Variants in NOTCH1 observed in about 807,000 individuals in gnomAD.
NOTCH1 encodes the protein notch receptor 1.
Under a neutral mutation model 254.8 loss-of-function variants are expected in NOTCH1, and 37 were observed. The observed-to-expected ratio is 0.15, with a 90% CI of 0.11 to 0.19. NOTCH1 has a LOEUF of 0.19. Among genes scored for constraint, NOTCH1 ranks in the 10% least tolerant of loss-of-function variants. The probability of loss-of-function intolerance (pLI) is 1.00; values close to 1 mark genes in which losing one functional copy is unlikely to be tolerated. For missense variants in NOTCH1, 2,972 were observed against 3,708.6 expected (o/e 0.80, Z 5.16); for synonymous variants, 1,731 against 1,618.1 (o/e 1.07, Z -1.68).
rs771142030 is a variant in NOTCH1, at chr9:136,496,791, G to A, written c.6948C>T (p.Ser2316=). The change falls in exon 34 of 34, where the codon AGC becomes AGT. Residue 2316 remains serine (S), a synonymous_variant. Transcript: ENST00000651671. The stretch of plus-strand genomic sequence containing the variant: ...GGTTGTATTGGTTCGGCACCATGCC[G>A]CTCTGCAGCCGGGACAGCCACTCGC... ...GQCEWLSRLQ[S]GMVPNQYNPL... is the part of the protein sequence containing the mutation. 9 of 1,612,764 alleles carry A rather than the reference G, an allele frequency of 5.6e-6. No individual in the cohort carries two copies. The highest frequency in any genetic ancestry group is 2.2e-5 in the South Asian group (2 of 91,090).
chr9:136,499,804 G>GT, intron 31 of NOTCH1, among the ~76,000 whole-genome samples: 1 of 152,364 alleles, frequency 6.6e-6, no homozygotes, highest in Middle Eastern at 3.4e-3. Context: ...TTCCACATCT[G>GT]TGCAAAGAAG....
In NOTCH1 at chr9:136,508,146, G is replaced by T. The variant is rs761192850; in HGVS notation, c.3326-7C>A. The T allele has an allele frequency of 1.9e-6, 3 of 1,607,976 alleles. No individual in the cohort carries two copies. The highest frequency in any genetic ancestry group is 2.5e-6 in the Non-Finnish European group (3 of 1,179,678). On this transcript the variant is annotated splice_region_variant and splice_polypyrimidine_tract_variant and intron_variant, in intron 20 of 33. Transcript: ENST00000651671. ...AGGCGGGCAACGTCAACACCTGCGG[G>T]GGATGGGGTGGTAGACAGGTGAGGC...
At position 136,519,911 on chromosome 9, in the gene NOTCH1, C is replaced by T. The variant is rs116768458; in HGVS notation, c.743-346G>A. 7.9e-3 allele frequency among the ~76,000 whole-genome samples: 1,208 copies of T among 152,334 alleles called. 11 individuals are homozygous for T. The highest frequency in any genetic ancestry group is 0.026 in the African/African-American group (1,081 of 41,580). ...CCCTACAATGTCTCCACAGGGGGGC[C>T]GCACACCCCATCTTCAGGGGCTGAC... On this transcript the variant is annotated intron_variant, in intron 4 of 33. Coordinates refer to ENST00000651671, the MANE Select transcript of NOTCH1 (RefSeq NM_017617.5).
chr9:136,510,381 C>T, intron 17 of NOTCH1: 1 of 587,898 alleles, frequency 1.7e-6, no homozygotes, highest in East Asian at 2.8e-5. Context: ...GGAGTGCAGG[C>T]CGGGCCCGAG....
chr9:136,508,624 C>T (rs1843127521), intron 19 of NOTCH1, among the ~76,000 whole-genome samples: 1 of 152,342 alleles, frequency 6.6e-6, no homozygotes, highest in Non-Finnish European at 1.5e-5. Flanking sequence ...GAACACTTTT[C>T]CTCAATTCCC....
chr9:136,533,369 C>T (rs536036775), intron 2 of NOTCH1, among the ~76,000 whole-genome samples: 28 of 152,326 alleles, frequency 1.8e-4, no homozygotes, highest in African/African-American at 6.5e-4. Flanking sequence ...CAACCCCTGG[C>T]GGCTCCCCCA....
Position 136,497,261 on chromosome 9 carries a change from T to C in NOTCH1, c.6478A>G (p.Lys2160Glu), listed in dbSNP as rs1282189149. 1 of 1,611,506 alleles carries C rather than the reference T, an allele frequency of 6.2e-7. No individual in the cohort carries two copies. Among genetic ancestry groups the C allele is most frequent in the African/African-American group, 1.3e-5 (1 of 75,026 alleles). ...KPGVQGKKVR[K>E]PSSKGLACGS... ...CAGGCCAGGCCTTTGCTGCTGGGCT[T>C]GCGGACCTTCTTGCCCTGCACGCCG... is the stretch of plus-strand genomic sequence containing the variant. The change falls in exon 34 of 34, where the codon AAG (lysine) becomes GAG (glutamate). Residue 2160 changes from lysine (K) to glutamate (E), a missense_variant. Physicochemically the swap from Lys to Glu is moderately conservative, Grantham distance 56. This residue lies in a region of NOTCH1 where 529 missense variants were observed against 529.2 expected (regional missense o/e 1.00). Coordinates refer to ENST00000651671, the MANE Select transcript of NOTCH1 (RefSeq NM_017617.5).
chr9:136,508,271 C>G lies in NOTCH1; in HGVS notation c.3286G>C (p.Val1096Leu), dbSNP rs369730402. Residue 1096 changes from valine (V) to leucine (L), a missense_variant, in exon 20 of 34, where the codon GTG becomes CTG. By Grantham distance (32) the Val-to-Leu change is conservative. Coordinates refer to ENST00000651671, the MANE Select transcript of NOTCH1 (RefSeq NM_017617.5). ...GCCACCTCACAGGACACGCTGGGCA[C>G]GTCGCAGTAAAGGCCGGTCCAGCCG... is the stretch of plus-strand genomic sequence containing the variant. ...PSGWTGLYCD[V>L]PSVSCEVAAQ... 6.2e-7 allele frequency: 1 copy of G among 1,612,748 alleles called. No homozygotes were observed.
chr9:136,516,356 G>A (rs972652411), intron 9 of NOTCH1, among the ~76,000 whole-genome samples: 17 of 152,328 alleles, frequency 1.1e-4, no homozygotes, highest in African/African-American at 3.6e-4. Context: ...CAGTGGAGCC[G>A]GGCTGAGAAT....
In NOTCH1 at chr9:136,505,659, G is replaced by T. The variant is rs1348438354; in HGVS notation, c.4237C>A (p.Arg1413Ser). The change falls in exon 25 of 34, where the codon CGT becomes AGT. Residue 1413 changes from arginine to serine, a missense_variant. Transcript: ENST00000651671. ...TTGAATTTGGCGGGGCACAGGCAAC[G>T]GTAGAAGGGGCTCTCGGATGTGGGC... ...CEPTSESPFY[R>S]CLCPAKFNGL... 6.2e-7 allele frequency: 1 copy of T among 1,611,668 alleles called. No individual in the cohort carries two copies. Among genetic ancestry groups the T allele is most frequent in the African/African-American group, 1.3e-5 (1 of 74,932 alleles).
rs3125001 is a variant in NOTCH1, at chr9:136,510,809, C to G, written c.2588-4G>C. On this transcript the variant is annotated splice_region_variant and splice_polypyrimidine_tract_variant and intron_variant, in intron 16 of 33. Coordinates refer to ENST00000651671, the MANE Select transcript of NOTCH1 (RefSeq NM_017617.5). ...ATGTCGACCTCACAGGTCTGCCCTG[C>G]GGGGCAGGAGGAGGCCGGTTGGTCA... is the stretch of plus-strand genomic sequence containing the variant. The G allele has an allele frequency of 1.2e-6, 2 of 1,607,808 alleles. No homozygotes were observed. The highest frequency in any genetic ancestry group is 8.5e-7 in the Non-Finnish European group (1 of 1,179,716).
rs768799805 is a variant in NOTCH1, at chr9:136,500,573, G to A, written c.5913C>T (p.Ala1971=). The A allele has an allele frequency of 2.8e-5, 45 of 1,611,324 alleles. 1 individual carries two copies. The highest frequency in any genetic ancestry group is 2.4e-4 in the South Asian group (22 of 91,082). Residue 1971 remains alanine (A), a synonymous_variant, in exon 31 of 34, where the codon GCC becomes GCT. Transcript: ENST00000651671. The part of the protein sequence containing the change: ...GRTPLHAAVS[A]DAQGVFQILI... The stretch of plus-strand genomic sequence containing the variant: ...CTACCTGGAAGACACCTTGTGCGTC[G>A]GCAGACACAGCCGCATGCAGCGGGG...
At chr9:136,505,942 T>G in intron 24 of NOTCH1, 61 bp from the exon 25 acceptor site, 1 of 1,443,842 alleles carries the variant, frequency 6.9e-7, no homozygotes, top group South Asian at 1.2e-5. Flanking sequence ...CCCCGCCACC[T>G]CACACCCAGC....
chr9:136,528,464 GT>G (rs1843507628), intron 2 of NOTCH1, among the ~76,000 whole-genome samples: 1 of 113,782 alleles, frequency 8.8e-6, no homozygotes, highest in Non-Finnish European at 1.9e-5. Flanking sequence ...CAGGGACAGT[GT>G]TGGGGATGAG....
At chr9:136,541,944 G>A (rs183955092) in intron 2 of NOTCH1, among the ~76,000 whole-genome samples, 3 of 152,368 alleles carry the variant, frequency 2.0e-5, no homozygotes, top group Admixed American at 6.5e-5. Context: ...CCGCCAAGAA[G>A]GAGGGGGCGC....
Position 136,499,195 on chromosome 9 carries a change from A to T in NOTCH1, c.5999T>A (p.Ile2000Asn), listed in dbSNP as rs2133322931. The change falls in exon 32 of 34, where the codon ATC (isoleucine) becomes AAC (asparagine). Residue 2000 changes from isoleucine to asparagine, a missense_variant. Physicochemically the swap from Ile to Asn is moderately radical, Grantham distance 149. Coordinates refer to ENST00000651671, the MANE Select transcript of NOTCH1 (RefSeq NM_017617.5). Reference sequence around the variant, plus strand: ...CTCCACGGCCAGGCGGGCAGCCAGGATCAGTGGCGTCGTGCCATCATGCAT... The same window carrying T: ...CTCCACGGCCAGGCGGGCAGCCAGGTTCAGTGGCGTCGTGCCATCATGCAT... ...ARMHDGTTPL[I>N]LAARLAVEGM... 6.2e-7 allele frequency: 1 copy of T among 1,613,392 alleles called. No individual in the cohort carries two copies. The highest frequency in any genetic ancestry group is 1.1e-5 in the South Asian group (1 of 91,088).
chr9:136,544,743 C>G lies in NOTCH1; in HGVS notation c.62-641G>C, dbSNP rs565196038. Among the ~76,000 whole-genome samples, 447 of 152,246 alleles carry G rather than the reference C, an allele frequency of 2.9e-3. 2 individuals are homozygous for G. Among genetic ancestry groups the G allele is most frequent in the African/African-American group, 0.01 (429 of 41,572 alleles). Reference sequence around the variant, plus strand: ...CCTGGGGACGCGGCCCCGCCTCCGCCGACACCCAATACCTGCCTCCGCGGG... The same window carrying G: ...CCTGGGGACGCGGCCCCGCCTCCGCGGACACCCAATACCTGCCTCCGCGGG... On this transcript the variant is annotated intron_variant, in intron 1 of 33. Transcript: ENST00000651671.
Position 136,509,029 on chromosome 9 carries a change from C to T in NOTCH1, c.3012G>A (p.Ser1004=), listed in dbSNP as rs371301397. Residue 1004 remains serine (S), a synonymous_variant, in exon 19 of 34, where the codon TCG becomes TCA. Coordinates refer to ENST00000651671, the MANE Select transcript of NOTCH1 (RefSeq NM_017617.5). ...NGGTCVDGIN[S]FTCLCPPGFT... ...AGCCGGGTGGACACAGGCAGGTGAA[C>T]GAGTTGATGCCGTCCACGCAGGTGC... The T allele has an allele frequency of 2.6e-5, 40 of 1,563,038 alleles. 1 individual carries two copies. The highest frequency in any genetic ancestry group is 1.2e-4 in the African/African-American group (9 of 73,742).
At chr9:136,543,988 C>T (rs764583236) in intron 2 of NOTCH1, 36 bp downstream of exon 2, 13 of 1,539,776 alleles carry the variant, frequency 8.4e-6, no homozygotes, top group East Asian at 4.8e-5. Context: ...GCTCTGCCCT[C>T]GACAAAGCAA....
Sources: gnomAD v4.1 joint callset for allele counts (sites outside exome capture counted in the v4.1 genomes callset) on GRCh38, gnomAD v4.1.1 for gene constraint, gnomAD v4.1.1 regional missense constraint, MANE v1.5 for transcripts, NCBI Gene and HGNC (gene_info 2026-07-23, HGNC 2026-07-21) for gene names.